Variants in ZFAND3 observed in about 807,000 individuals in gnomAD.
ZFAND3 encodes AN1-type zinc finger protein 3.
In ZFAND3, 10 loss-of-function variants were observed where a neutral mutation model predicts 29.6. That is an observed-to-expected ratio of 0.34 (90% CI 0.21 to 0.57). ZFAND3 has a LOEUF of 0.57. ZFAND3 is among the 20% of genes least tolerant of loss of function. The probability of loss-of-function intolerance (pLI) is 0.86; values close to 1 mark genes in which losing one functional copy is unlikely to be tolerated. For synonymous variants in ZFAND3, 128 were observed against 112.6 expected, an observed-to-expected ratio of 1.14 and a Z score of -0.87; for missense variants, 230 against 304.5, an observed-to-expected ratio of 0.76 and a Z score of 1.82.
At chr6:37,933,850 C>T (rs573809522) in intron 2 of ZFAND3, among the ~76,000 whole-genome samples, 1 of 147,754 alleles carries the variant, frequency 6.8e-6, no homozygotes, top group African/African-American at 2.5e-5. Context: ...AGGCTAAAAT[C>T]ATTTAAGACT....
chr6:38,035,428 T>C (rs1218773785), intron 2 of ZFAND3, among the ~76,000 whole-genome samples: 1 of 152,204 alleles, frequency 6.6e-6, no homozygotes, highest in East Asian at 1.9e-4. Flanking sequence ...ATAATACATA[T>C]ATAATAATTG....
intron 2 of ZFAND3, among the ~76,000 whole-genome samples, chr6:38,016,908 C>G (rs892380578): frequency 2.0e-5 from 3 of 152,032 alleles, no homozygotes; most frequent in African/African-American, 7.3e-5. Flanking sequence ...TAATCCATAG[C>G]GAGGAAAACT....
intron 4 of ZFAND3, among the ~76,000 whole-genome samples, chr6:38,116,129 A>G (rs1765412352): frequency 6.6e-6 from 1 of 152,228 alleles, no homozygotes; most frequent in Non-Finnish European, 1.5e-5. Flanking sequence ...ATACAGAGAT[A>G]CATTAGACAT....
intron 1 of ZFAND3, among the ~76,000 whole-genome samples, chr6:37,883,424 G>A (rs182438374): frequency 4.0e-5 from 6 of 151,872 alleles, no homozygotes; most frequent in South Asian, 2.1e-4. Flanking sequence ...CCTACCCTTC[G>A]CTGTTGAACG....
chr6:38,061,027 A>G (rs1283618091), intron 2 of ZFAND3, among the ~76,000 whole-genome samples: 2 of 152,222 alleles, frequency 1.3e-5, no homozygotes, highest in Non-Finnish European at 2.9e-5. Context: ...AGGATTAACT[A>G]TACTTTAACA....
At chr6:38,062,038 T>C (rs1764251443) in intron 3 of ZFAND3, among the ~76,000 whole-genome samples, 1 of 152,210 alleles carries the variant, frequency 6.6e-6, no homozygotes, top group South Asian at 2.1e-4. Flanking sequence ...TAGAATCCAC[T>C]GGGGGTTTTT....
At chr6:37,843,486 CAAA>C (rs759748886) in intron 1 of ZFAND3, among the ~76,000 whole-genome samples, 1 of 113,926 alleles carries the variant, frequency 8.8e-6, no homozygotes, top group Admixed American at 9.2e-5. Flanking sequence ...GACTCCGTCT[CAAA>C]AAAAAAAAAA....
At chr6:38,109,107 G>A (rs1375524662) in intron 4 of ZFAND3, among the ~76,000 whole-genome samples, 1 of 151,388 alleles carries the variant, frequency 6.6e-6, no homozygotes. Context: ...AAAAATGGAA[G>A]GCATACAGAT....
chr6:37,920,052 C>CTTTTTTTTTTTTTTTTTTTTTT (rs11389241), intron 1 of ZFAND3, among the ~76,000 whole-genome samples: 1 of 93,410 alleles, frequency 1.1e-5, no homozygotes, highest in African/African-American at 3.9e-5. Flanking sequence ...TTTTTTGAAG[C>CTTTTTTTTTTTTTTTTTTTTTT]TTTTTTTTTT....
intron 1 of ZFAND3, among the ~76,000 whole-genome samples, chr6:37,830,730 T>C (rs1199868629): frequency 6.6e-6 from 1 of 152,036 alleles, no homozygotes; most frequent in African/African-American, 2.4e-5. Context: ...TCCTTGGGAT[T>C]GATTTTTCTT....
At chr6:38,082,138 G>A (rs778616951) in intron 3 of ZFAND3, among the ~76,000 whole-genome samples, 2 of 149,046 alleles carry the variant, frequency 1.3e-5, no homozygotes, top group African/African-American at 2.5e-5. Flanking sequence ...TGTGAGACTC[G>A]GCTGTTTTTT....
chr6:37,876,736 G>T (rs1364855373), intron 1 of ZFAND3, among the ~76,000 whole-genome samples: 2 of 152,182 alleles, frequency 1.3e-5, no homozygotes, highest in Non-Finnish European at 2.9e-5. Context: ...GGTTGAAAGA[G>T]CAGTAAGCCT....
At chr6:37,861,919 C>G (rs1764500060) in intron 1 of ZFAND3, among the ~76,000 whole-genome samples, 1 of 152,148 alleles carries the variant, frequency 6.6e-6, no homozygotes, top group Non-Finnish European at 1.5e-5. Context: ...ATGTGTTTTG[C>G]TGCTCTGCAT....
chr6:37,943,349 A>G (rs140821456), intron 2 of ZFAND3, among the ~76,000 whole-genome samples: 41 of 152,290 alleles, frequency 2.7e-4, no homozygotes, highest in African/African-American at 9.1e-4. Flanking sequence ...ATGTGCTTCC[A>G]TCTTCTCCTC....
chr6:37,884,481 C>T (rs1187879390), intron 1 of ZFAND3, among the ~76,000 whole-genome samples: 3 of 90,468 alleles, frequency 3.3e-5, no homozygotes, highest in Non-Finnish European at 5.8e-5. Flanking sequence ...GCAAAAAGAG[C>T]GAAACTCTAG....
At chr6:37,957,664 A>G (rs1376107994) in intron 2 of ZFAND3, among the ~76,000 whole-genome samples, 1 of 152,166 alleles carries the variant, frequency 6.6e-6, no homozygotes, top group East Asian at 1.9e-4. Context: ...TGATGGATGG[A>G]ATGAAAATAG....
At chr6:38,009,966 A>G (rs1018089619) in intron 2 of ZFAND3, among the ~76,000 whole-genome samples, 3 of 152,200 alleles carry the variant, frequency 2.0e-5, no homozygotes, top group Admixed American at 6.5e-5. Flanking sequence ...CATGTCTGTC[A>G]GGTAACTGGC....
chr6:38,082,489 T>C (rs780840940), intron 4 of ZFAND3, 32 bp downstream of exon 4: 3 of 1,589,580 alleles, frequency 1.9e-6, no homozygotes, highest in Non-Finnish European at 2.6e-6. Context: ...GAATTCATCC[T>C]TATTTGAATT....
intron 5 of ZFAND3, among the ~76,000 whole-genome samples, chr6:38,146,628 C>T (rs1420848007): frequency 6.6e-6 from 1 of 152,178 alleles, no homozygotes; most frequent in Non-Finnish European, 1.5e-5. Context: ...CTCTAAGGAG[C>T]AGGGTAGCCA....
Sources: gnomAD v4.1 joint callset for allele counts (sites outside exome capture counted in the v4.1 genomes callset) on GRCh38, gnomAD v4.1.1 for gene constraint, MANE v1.5 for transcripts, NCBI Gene and HGNC (gene_info 2026-07-23, HGNC 2026-07-21) for gene names.